The following TRPS1 variants were observed in gnomAD, a reference collection of about 807,000 sequenced individuals.
TRPS1 encodes the protein transcriptional repressor GATA binding 1, also known as zinc finger transcription factor Trps1.
Under a neutral mutation model 101.2 loss-of-function variants are expected in TRPS1, and 6 were observed. The ratio of observed to expected loss-of-function variants is 0.06; its 90% CI spans 0.03 to 0.12. TRPS1 has a LOEUF of 0.12. TRPS1 is among the 10% of genes least tolerant of loss of function. TRPS1 has a pLI of 1.00. For missense variants in TRPS1, 1,363 were observed against 1,567.0 expected, an observed-to-expected ratio of 0.87 and a Z score of 2.20; for synonymous variants, 578 against 589.8, an observed-to-expected ratio of 0.98 and a Z score of 0.29.
chr8:115,515,715 A>G (rs374978213), intron 5 of TRPS1, among the ~76,000 whole-genome samples: 30 of 151,672 alleles, frequency 2.0e-4, no homozygotes, highest in South Asian at 6.2e-4. Context: ...ATAACTTAAG[A>G]CCCACAGAAT....
intron 5 of TRPS1, among the ~76,000 whole-genome samples, chr8:115,463,643 G>A (rs1407828724): frequency 6.6e-6 from 1 of 152,028 alleles, no homozygotes; most frequent in Non-Finnish European, 1.5e-5. Context: ...TTTGCTAAAG[G>A]AGCAGGTTAT....
At chr8:115,638,827 G>A (rs1818829384) in intron 1 of TRPS1, among the ~76,000 whole-genome samples, 1 of 151,890 alleles carries the variant, frequency 6.6e-6, no homozygotes, top group African/African-American at 2.4e-5. Flanking sequence ...TTTTTAAAGG[G>A]AATAAACAGA....
At chr8:115,437,299 A>T (rs2129861636) in intron 5 of TRPS1, among the ~76,000 whole-genome samples, 1 of 152,366 alleles carries the variant, frequency 6.6e-6, no homozygotes, top group East Asian at 1.9e-4. Context: ...TACCCCCATG[A>T]CGGGTGCCAT....
At chr8:115,524,201 C>T (rs977201373) in intron 5 of TRPS1, among the ~76,000 whole-genome samples, 4 of 151,818 alleles carry the variant, frequency 2.6e-5, no homozygotes, top group African/African-American at 7.3e-5. Context: ...TTTAACTGGT[C>T]GCTTTATTGT....
chr8:115,609,865 C>T (rs991500136), intron 3 of TRPS1, among the ~76,000 whole-genome samples: 1 of 152,156 alleles, frequency 6.6e-6, no homozygotes, highest in African/African-American at 2.4e-5. Flanking sequence ...TCTTTTTACA[C>T]ACACACAAAA....
intron 5 of TRPS1, among the ~76,000 whole-genome samples, chr8:115,561,305 A>G (rs1816939582): frequency 6.6e-6 from 1 of 152,046 alleles, no homozygotes; most frequent in Non-Finnish European, 1.5e-5. Context: ...TTGTATGTGC[A>G]GTCTGGGGTC....
chr8:115,457,211 C>T (rs1052794604), intron 5 of TRPS1, among the ~76,000 whole-genome samples: 2 of 152,058 alleles, frequency 1.3e-5, no homozygotes, highest in South Asian at 2.1e-4. Flanking sequence ...GTATAGGAAG[C>T]GTTGTCTGTC....
chr8:115,583,858 C>T (rs1449427179), intron 5 of TRPS1, among the ~76,000 whole-genome samples: 1 of 151,786 alleles, frequency 6.6e-6, no homozygotes, highest in African/African-American at 2.4e-5. Context: ...TAAATGATAT[C>T]ATATTGAACA....
At chr8:115,562,798 C>T (rs1054959474) in intron 5 of TRPS1, among the ~76,000 whole-genome samples, 2 of 151,438 alleles carry the variant, frequency 1.3e-5, no homozygotes, top group Non-Finnish European at 2.9e-5. Context: ...AGAGATGGCA[C>T]ATAACTTTTC....
intron 5 of TRPS1, among the ~76,000 whole-genome samples, chr8:115,443,446 G>A (rs1368774692): frequency 6.6e-6 from 1 of 152,142 alleles, no homozygotes; most frequent in African/African-American, 2.4e-5. Flanking sequence ...TCTTGGCCTT[G>A]ACATTTGCAC....
intron 5 of TRPS1, among the ~76,000 whole-genome samples, chr8:115,582,240 C>G (rs1563620492): frequency 6.6e-6 from 1 of 152,112 alleles, no homozygotes; most frequent in Non-Finnish European, 1.5e-5. Flanking sequence ...ATGAATATCA[C>G]TTTTCACTTC....
intron 5 of TRPS1, among the ~76,000 whole-genome samples, chr8:115,483,256 A>AG (rs2130071844): frequency 1.3e-5 from 2 of 152,210 alleles, no homozygotes; most frequent in South Asian, 4.1e-4. Context: ...TTCTAGGCTG[A>AG]GCACGGTGTC....
At chr8:115,605,856 G>A (rs1818026028) in intron 3 of TRPS1, among the ~76,000 whole-genome samples, 1 of 152,136 alleles carries the variant, frequency 6.6e-6, no homozygotes, top group South Asian at 2.1e-4. Context: ...TCAGGACTAT[G>A]AAAGCCTTCA....
intron 3 of TRPS1, among the ~76,000 whole-genome samples, chr8:115,612,942 A>G (rs1818202798): frequency 6.6e-6 from 1 of 152,130 alleles, no homozygotes; most frequent in South Asian, 2.1e-4. Context: ...CCTTAATTAC[A>G]CAGCCTTGGA....
intron 2 of TRPS1, among the ~76,000 whole-genome samples, chr8:115,620,290 G>A (rs1818365948): frequency 6.6e-6 from 1 of 151,878 alleles, no homozygotes; most frequent in African/African-American, 2.4e-5. Context: ...ATTATTTTAA[G>A]GTGGTTTTAG....
chr8:115,521,244 T>C (rs1417698597), intron 5 of TRPS1, among the ~76,000 whole-genome samples: 2 of 151,900 alleles, frequency 1.3e-5, no homozygotes, highest in Non-Finnish European at 2.9e-5. Context: ...ACGGCAATGA[T>C]AGTGAATCCT....
At chr8:115,609,260 T>C (rs1192957588) in intron 3 of TRPS1, among the ~76,000 whole-genome samples, 1 of 152,196 alleles carries the variant, frequency 6.6e-6, no homozygotes, top group Non-Finnish European at 1.5e-5. Context: ...CAAGTAAATT[T>C]TTCCTGCAAA....
At chr8:115,585,721 T>C (rs565258414) in intron 5 of TRPS1, among the ~76,000 whole-genome samples, 1 of 152,274 alleles carries the variant, frequency 6.6e-6, no homozygotes, top group African/African-American at 2.4e-5. Context: ...GTTTCTCTTT[T>C]TTTCCCGAAG....
Position 115,576,278 on chromosome 8 carries a change from C to CAT in TRPS1, c.2700+10721_2700+10722dup, listed in dbSNP as rs3071244. 2.4e-3 allele frequency among the ~76,000 whole-genome samples: 344 copies of CAT among 144,310 alleles called. 1 individual carries two copies. Among genetic ancestry groups the CAT allele is most frequent in the African/African-American group, 7.8e-3 (304 of 38,930 alleles). 94.7% of individuals were successfully genotyped at this position (144,310 alleles called of 152,430 possible). A position where few individuals can be genotyped will look rare whatever the true frequency, so the allele number is the denominator to read the frequency against. On this transcript the variant is annotated intron_variant, in intron 5 of 6. Coordinates refer to ENST00000395715, the MANE Select transcript of TRPS1 (RefSeq NM_014112.5). Reference sequence around the variant, plus strand: ...AAATCATATTTAAGAATTTGTAGTTCATATATATATATAGATATAGATATA... The same window carrying CAT: ...AAATCATATTTAAGAATTTGTAGTTCATATATATATATATAGATATAGATATA...
Sources: gnomAD v4.1 joint callset for allele counts (sites outside exome capture counted in the v4.1 genomes callset) on GRCh38, gnomAD v4.1.1 for gene constraint, MANE v1.5 for transcripts, NCBI Gene and HGNC (gene_info 2026-07-23, HGNC 2026-07-21) for gene names.